Variants in RARB observed in about 807,000 individuals in gnomAD.
The protein encoded by RARB is HBV-activated protein.
RARB carries 17 observed loss-of-function variants against 51.9 expected under a neutral mutation model. That is an observed-to-expected ratio of 0.33 (90% CI 0.22 to 0.49). The LOEUF is 0.49. Ranked by LOEUF, RARB falls within the 20% of genes least tolerant of loss-of-function variation. The pLI is 0.99. For missense variants in RARB, 369 were observed against 550.8 expected (o/e 0.67, Z 3.30); for synonymous variants, 215 against 195.4 (o/e 1.10, Z -0.84).
chr3:25,293,173 A>G (rs898607590), intron 5 of RARB, among the ~76,000 whole-genome samples: 6 of 152,154 alleles, frequency 3.9e-5, no homozygotes, highest in Admixed American at 3.9e-4. Context: ...GTATTCTGAT[A>G]CGTTACGGAG....
intron 2 of RARB, among the ~76,000 whole-genome samples, chr3:25,057,786 C>T (rs1698468289): frequency 6.6e-6 from 1 of 151,964 alleles, no homozygotes; most frequent in Non-Finnish European, 1.5e-5. Flanking sequence ...GAAAGCTAAA[C>T]TATCATTTTA....
rs1490365820 is a variant in RARB, at chr3:25,428,939, C to CT, written c.157+53dup. 12 of 1,547,320 alleles carry CT rather than the reference C, an allele frequency of 7.8e-6. No individual in the cohort carries two copies. In the South Asian group the frequency reaches 1.4e-4, roughly 19 times the overall value. On this transcript the variant is annotated intron_variant, in intron 1 of 7. Coordinates refer to ENST00000330688, the MANE Select transcript of RARB (RefSeq NM_000965.5). ...TACCAAGAAAAAAAAAATTGTCTCT[C>CT]TTGCATGCAATAAAGACGTTGGAAA...
At chr3:24,839,635 G>T (rs1702392724) in intron 1 of RARB, among the ~76,000 whole-genome samples, 1 of 146,828 alleles carries the variant, frequency 6.8e-6, no homozygotes. Context: ...TTGACCTCAG[G>T]GGCAGAGGTT....
At chr3:25,163,501 C>CAAAAAAAAAAAAAAAA (rs1385452358) in intron 4 of RARB, among the ~76,000 whole-genome samples, 2 of 78,690 alleles carry the variant, frequency 2.5e-5, no homozygotes, top group African/African-American at 1.1e-4. Context: ...GACCCTATCT[C>CAAAAAAAAAAAAAAAA]AAAATATATA....
intron 2 of RARB, among the ~76,000 whole-genome samples, chr3:24,914,979 T>G (rs148888002): frequency 1.3e-5 from 2 of 152,338 alleles, no homozygotes; most frequent in African/African-American, 4.8e-5. Flanking sequence ...TGGACCCAGC[T>G]TCCATACATA....
intron 2 of RARB, among the ~76,000 whole-genome samples, chr3:24,973,955 C>T (rs770265344): frequency 6.6e-6 from 1 of 151,938 alleles, no homozygotes. Context: ...CTTCTCTTGC[C>T]TAATTGCTCT....
intron 2 of RARB, among the ~76,000 whole-genome samples, chr3:25,047,701 G>A (rs1379639424): frequency 6.6e-6 from 1 of 152,160 alleles, no homozygotes; most frequent in African/African-American, 2.4e-5. Flanking sequence ...TAAGTAAACA[G>A]AGAGGCTCAA....
chr3:25,395,603 TC>T (rs144518950), intron 5 of RARB, among the ~76,000 whole-genome samples: 10,451 of 152,146 alleles, frequency 0.069, 399 homozygotes, highest in African/African-American at 0.11. Flanking sequence ...TTTTTTAAAT[TC>T]TTTTTTTTGT....
chr3:24,840,814 A>T (rs1702412302), intron 1 of RARB, among the ~76,000 whole-genome samples: 1 of 151,812 alleles, frequency 6.6e-6, no homozygotes, highest in Admixed American at 6.6e-5. Context: ...ATTGAGCACA[A>T]CCACTTCCAA....
At chr3:25,377,942 C>G (rs77889354) in intron 5 of RARB, among the ~76,000 whole-genome samples, 5,302 of 152,166 alleles carry the variant, frequency 0.035, 121 homozygotes, top group Middle Eastern at 0.065. Context: ...CTGCCCACTA[C>G]CTTTTTCTAG....
At chr3:24,944,485 G>A (rs1695733902) in intron 2 of RARB, among the ~76,000 whole-genome samples, 1 of 152,134 alleles carries the variant, frequency 6.6e-6, no homozygotes, top group South Asian at 2.1e-4. Flanking sequence ...TGCAGATGTG[G>A]AAACTAAGTC....
intron 5 of RARB, among the ~76,000 whole-genome samples, chr3:25,306,310 C>G (rs969258867): frequency 6.6e-6 from 1 of 152,008 alleles, no homozygotes; most frequent in Non-Finnish European, 1.5e-5. Context: ...GTCAGCACCT[C>G]GGTTATGCAG....
intron 4 of RARB, among the ~76,000 whole-genome samples, chr3:25,157,293 A>C (rs1700391244): frequency 6.6e-6 from 1 of 152,068 alleles, no homozygotes; most frequent in Non-Finnish European, 1.5e-5. Flanking sequence ...CAATGTTAAC[A>C]ATATTAACAA....
chr3:25,079,273 T>C (rs1459971926), intron 3 of RARB, among the ~76,000 whole-genome samples: 1 of 152,234 alleles, frequency 6.6e-6, no homozygotes, highest in Non-Finnish European at 1.5e-5. Flanking sequence ...TTAATAAATA[T>C]CTTAGCCCTT....
intron 2 of RARB, among the ~76,000 whole-genome samples, chr3:24,873,573 T>C (rs1442195720): frequency 6.6e-6 from 1 of 152,018 alleles, no homozygotes; most frequent in East Asian, 1.9e-4. Context: ...AGTAAGTTTT[T>C]TTAATTCTTC....
At chr3:25,578,280 A>G (rs191939073) in intron 4 of RARB, among the ~76,000 whole-genome samples, 345 of 152,296 alleles carry the variant, frequency 2.3e-3, no homozygotes, top group Middle Eastern at 0.01. Flanking sequence ...ACACCAGGTT[A>G]TTTTGTGTTT....
intron 4 of RARB, among the ~76,000 whole-genome samples, chr3:25,142,647 C>T (rs1353325157): frequency 6.6e-6 from 1 of 151,334 alleles, no homozygotes; most frequent in East Asian, 1.9e-4. Flanking sequence ...TGGCCGTTTG[C>T]CATCATTAGC....
intron 2 of RARB, among the ~76,000 whole-genome samples, chr3:25,049,570 C>T (rs1375903745): frequency 1.3e-5 from 2 of 152,142 alleles, no homozygotes; most frequent in East Asian, 3.9e-4. Flanking sequence ...AATATTTTAC[C>T]TCTGTAGATG....
At chr3:25,158,346 A>G (rs988638026) in intron 4 of RARB, among the ~76,000 whole-genome samples, 7 of 152,226 alleles carry the variant, frequency 4.6e-5, no homozygotes, top group Admixed American at 2.6e-4. Flanking sequence ...CAATAGTTCC[A>G]TGGCTTGCAT....
Sources: allele counts gnomAD v4.1 joint callset (sites outside exome capture counted in the v4.1 genomes callset), GRCh38; gene constraint gnomAD v4.1.1; transcripts MANE v1.5; gene names NCBI Gene and HGNC (gene_info 2026-07-23, HGNC 2026-07-21).